The following NTN4 variants were observed in gnomAD, a reference collection of about 807,000 sequenced individuals.
NTN4 encodes netrin-4.
In NTN4, 32 loss-of-function variants were observed where a neutral mutation model predicts 73.6. That is an observed-to-expected ratio of 0.44 (90% confidence interval 0.33 to 0.58). The LOEUF (loss-of-function observed/expected upper bound fraction) is 0.58, where lower values mean the gene tolerates loss of function less well. NTN4 is among the 20% of genes least tolerant of loss of function. The pLI, the probability that NTN4 is intolerant of heterozygous loss-of-function variation, is 0.04. For synonymous variants in NTN4, 258 were observed against 287.5 expected, an observed-to-expected ratio of 0.90 and a Z score of 1.04; for missense variants, 654 against 798.3, an observed-to-expected ratio of 0.82 and a Z score of 2.18.
intron 3 of NTN4, among the ~76,000 whole-genome samples, chr12:95,718,175 T>A (rs1248000511): frequency 6.6e-6 from 1 of 152,206 alleles, no homozygotes; most frequent in Admixed American, 6.5e-5. Context: ...TTCCTCATAT[T>A]TGAGGCAAGA....
intron 2 of NTN4, among the ~76,000 whole-genome samples, chr12:95,760,844 G>A (rs772101993): frequency 6.6e-6 from 1 of 152,000 alleles, no homozygotes; most frequent in Non-Finnish European, 1.5e-5. Flanking sequence ...TCAGAAGTGA[G>A]ACAAAAGGAA....
rs2078104102 is a variant in NTN4 at position 95,657,916 on chromosome 12, T to A, written c.*1170A>T. 3 of 152,602 alleles carry A rather than the reference T, an allele frequency of 2.0e-5. No individual in the cohort carries two copies. The highest frequency in any genetic ancestry group is 7.2e-5 in the African/African-American group (3 of 41,446). 9.5% of individuals were successfully genotyped at this position (152,602 alleles called of 1,614,324 possible). A position where few individuals can be genotyped will look rare whatever the true frequency, so the allele number is the denominator to read the frequency against. ...ACTTCAGAGAAAAAAAGGTTCTGTATGTGAAATTATTCATATGGCACTGTG... is the reference window on the plus strand; with the variant it reads ...ACTTCAGAGAAAAAAAGGTTCTGTAAGTGAAATTATTCATATGGCACTGTG... On this transcript the variant is annotated 3_prime_UTR_variant, in exon 10 of 10. Coordinates refer to ENST00000343702, the MANE Select transcript of NTN4 (RefSeq NM_021229.4).
At chr12:95,742,044 C>T (rs2121190297) in intron 2 of NTN4, among the ~76,000 whole-genome samples, 1 of 152,268 alleles carries the variant, frequency 6.6e-6, no homozygotes, top group South Asian at 2.1e-4. Context: ...GCCTCGAATC[C>T]CTTGAACTTT....
At chr12:95,772,503 C>G (rs1186219116) in intron 2 of NTN4, among the ~76,000 whole-genome samples, 2 of 152,158 alleles carry the variant, frequency 1.3e-5, no homozygotes, top group Non-Finnish European at 2.9e-5. Context: ...TATGTTTGGT[C>G]CAGCCAGCTT....
chr12:95,751,023 C>G (rs1450070254), intron 2 of NTN4, among the ~76,000 whole-genome samples: 2 of 152,196 alleles, frequency 1.3e-5, no homozygotes, highest in Non-Finnish European at 2.9e-5. Flanking sequence ...ATATAAAAAC[C>G]CAGCCCAGTT....
intron 1 of NTN4, among the ~76,000 whole-genome samples, chr12:95,787,868 T>C (rs954594511): frequency 2.6e-5 from 4 of 152,232 alleles, no homozygotes; most frequent in Non-Finnish European, 2.9e-5. Flanking sequence ...TTTGAAGTCA[T>C]GACTATTGAA....
Position 95,710,352 on chromosome 12 carries a change from C to T in NTN4, c.1180+89G>A, listed in dbSNP as rs2078554971. 4.7e-6 allele frequency: 5 copies of T among 1,063,526 alleles called. No individual in the cohort carries two copies. The Admixed American group carries it at 9.7e-5, about 21-fold the overall frequency. The allele number at this position is 1,063,526 out of a possible 1,614,324, so 65.9% of individuals were successfully genotyped here. A position where few individuals can be genotyped will look rare whatever the true frequency, so the allele number is the denominator to read the frequency against. On this transcript the variant is annotated intron_variant, in intron 5 of 9. Coordinates refer to ENST00000343702, the MANE Select transcript of NTN4 (RefSeq NM_021229.4). The stretch of plus-strand genomic sequence containing the variant: ...TGTGTTATCTCAGAACCTCAATGAC[C>T]TCCTTCTTTTGGGTTAGCAGAATGA...
At chr12:95,664,774 G>T (rs1431067469) in intron 9 of NTN4, among the ~76,000 whole-genome samples, 1 of 151,848 alleles carries the variant, frequency 6.6e-6, no homozygotes, top group Non-Finnish European at 1.5e-5. Flanking sequence ...CACCATACTG[G>T]GCTAATTTTT....
intron 5 of NTN4, among the ~76,000 whole-genome samples, chr12:95,690,340 T>G (rs2078392977): frequency 6.6e-6 from 1 of 152,220 alleles, no homozygotes; most frequent in African/African-American, 2.4e-5. Flanking sequence ...AATAAAACAG[T>G]CTTGGTCCTT....
chr12:95,729,628 A>AGT (rs1555218211), intron 3 of NTN4, among the ~76,000 whole-genome samples: 45 of 102,254 alleles, frequency 4.4e-4, no homozygotes, highest in African/African-American at 1.7e-3. Context: ...AGAGAGAGAG[A>AGT]GAGAGTGTGT....
chr12:95,780,520 C>T (rs1303422629), intron 2 of NTN4, among the ~76,000 whole-genome samples: 1 of 152,196 alleles, frequency 6.6e-6, no homozygotes, highest in Non-Finnish European at 1.5e-5. Flanking sequence ...CAAAAGAAGA[C>T]ATTTATGCAG....
rs1427485210 is a variant in NTN4, at chr12:95,738,084, GA to G, written c.645del (p.Gln216ArgfsTer4). The G allele has an allele frequency of 1.9e-6, 3 of 1,614,102 alleles. No homozygotes were observed. Among genetic ancestry groups the G allele is most frequent in the Non-Finnish European group, 2.5e-6 (3 of 1,179,956 alleles). The part of the protein sequence containing the change: ...YDTENPYSAK[V>X]QEQLKITNLR... ...AGGTTGGTGATCTTCAGCTGCTCCT[GA>G]ACTTTGGCACTGTAAGGGTTCTCTG... On this transcript the variant is annotated frameshift_variant, in exon 3 of 10. Transcript: ENST00000343702. LOFTEE classifies it high-confidence loss of function.
chr12:95,663,844 C>T (rs1246090343), intron 9 of NTN4, among the ~76,000 whole-genome samples: 2 of 152,106 alleles, frequency 1.3e-5, no homozygotes, highest in East Asian at 3.9e-4. Flanking sequence ...TGGAGGGTGG[C>T]TCACATGGTC....
At chr12:95,771,232 G>T (rs1055679584) in intron 2 of NTN4, among the ~76,000 whole-genome samples, 3 of 152,002 alleles carry the variant, frequency 2.0e-5, no homozygotes, top group African/African-American at 7.3e-5. Flanking sequence ...CTCGAGATCT[G>T]CCCGCCTCGG....
At chr12:95,760,634 C>T (rs187480750) in intron 2 of NTN4, among the ~76,000 whole-genome samples, 2 of 150,508 alleles carry the variant, frequency 1.3e-5, no homozygotes, top group East Asian at 2.0e-4. Context: ...TCTCAGAGCA[C>T]GGTCTTGTGC....
chr12:95,743,442 C>T (rs2078840490), intron 2 of NTN4, among the ~76,000 whole-genome samples: 1 of 152,172 alleles, frequency 6.6e-6, no homozygotes, highest in African/African-American at 2.4e-5. Context: ...GTGAATTTTA[C>T]TTTTAAGCTC....
At chr12:95,700,980 A>T (rs2078481223) in intron 5 of NTN4, among the ~76,000 whole-genome samples, 1 of 151,510 alleles carries the variant, frequency 6.6e-6, no homozygotes. Flanking sequence ...TTCCCAACTA[A>T]TTTTTGTATT....
intron 5 of NTN4, among the ~76,000 whole-genome samples, chr12:95,699,090 A>T (rs1013100577): frequency 7.9e-5 from 12 of 151,420 alleles, no homozygotes; most frequent in African/African-American, 2.9e-4. Context: ...TGTTCTATTT[A>T]AAGTGTGGTT....
intron 2 of NTN4, among the ~76,000 whole-genome samples, chr12:95,778,451 T>A (rs1022465067): frequency 6.6e-6 from 1 of 151,696 alleles, no homozygotes; most frequent in Admixed American, 6.6e-5. Flanking sequence ...AAGAATCAAA[T>A]AGACACAATA....
Sources: gnomAD v4.1 joint callset for allele counts (sites outside exome capture counted in the v4.1 genomes callset) on GRCh38, gnomAD v4.1.1 for gene constraint, MANE v1.5 for transcripts, NCBI Gene and HGNC (gene_info 2026-07-23, HGNC 2026-07-21) for gene names.